RANBP2: variants seen among roughly 807,000 people sequenced by gnomAD.
RANBP2 encodes the protein E3 SUMO-protein ligase RanBP2.
Under a neutral mutation model 303.6 loss-of-function variants are expected in RANBP2, and 57 were observed. The observed-to-expected ratio is 0.19, with a 90% CI of 0.15 to 0.23. The LOEUF (loss-of-function observed/expected upper bound fraction) is 0.23, where lower values mean the gene tolerates loss of function less well. Ranked by LOEUF, RANBP2 falls within the 10% of genes least tolerant of loss-of-function variation. The pLI is 1.00. For synonymous variants in RANBP2, 1,167 were observed against 1,301.5 expected (o/e 0.90, Z 2.23); for missense variants, 3,138 against 3,780.8 (o/e 0.83, Z 4.46).
chr2:109,627,448 T>C, the RANBP2 span, among the ~76,000 whole-genome samples: 1 of 152,200 alleles, frequency 6.6e-6, no homozygotes, highest in African/African-American at 2.4e-5. Context: ...CCACTCACCT[T>C]GGCCTCCCAA....
chr2:109,488,332 T>G, the RANBP2 span, among the ~76,000 whole-genome samples: 1 of 152,180 alleles, frequency 6.6e-6, no homozygotes, highest in African/African-American at 2.4e-5. Flanking sequence ...CCCAGATGTC[T>G]TCAGACATTG....
At chr2:109,586,069 T>C in the RANBP2 span, among the ~76,000 whole-genome samples, 2 of 152,198 alleles carry the variant, frequency 1.3e-5, no homozygotes, top group African/African-American at 4.8e-5. Context: ...TCTAGCACTA[T>C]GTATAACATT....
chr2:109,424,113 G>A, the RANBP2 span, among the ~76,000 whole-genome samples: 1 of 152,224 alleles, frequency 6.6e-6, no homozygotes, highest in African/African-American at 2.4e-5. Flanking sequence ...GGCAGGCCCT[G>A]AGATGGGGAG....
At chr2:109,249,231 C>T in the RANBP2 span, among the ~76,000 whole-genome samples, 1 of 152,226 alleles carries the variant, frequency 6.6e-6, no homozygotes, top group African/African-American at 2.4e-5. Flanking sequence ...CCGACTCCTA[C>T]CCTGTTCTTT....
the RANBP2 span, among the ~76,000 whole-genome samples, chr2:109,247,406 C>T: frequency 6.6e-6 from 1 of 152,236 alleles, no homozygotes; most frequent in Non-Finnish European, 1.5e-5. Flanking sequence ...GTAAGACCAG[C>T]TGAGCTTCCC....
At chr2:109,454,533 T>C in the RANBP2 span, among the ~76,000 whole-genome samples, 1 of 152,188 alleles carries the variant, frequency 6.6e-6, no homozygotes, top group Non-Finnish European at 1.5e-5. Flanking sequence ...TCCCGCCGGC[T>C]GCCTGACTTC....
chr2:109,171,160 T>C, the RANBP2 span, among the ~76,000 whole-genome samples: 1 of 152,228 alleles, frequency 6.6e-6, no homozygotes, highest in African/African-American at 2.4e-5. Flanking sequence ...TTTTGTTTTA[T>C]ATATATGTAC....
chr2:109,741,035 C>T, the RANBP2 span, among the ~76,000 whole-genome samples: 1 of 79,782 alleles, frequency 1.3e-5, no homozygotes, highest in East Asian at 3.1e-4. Context: ...AAGCAGGAAA[C>T]ACTTCCTAAC....
chr2:109,187,861 G>A, the RANBP2 span, among the ~76,000 whole-genome samples: 16 of 152,284 alleles, frequency 1.1e-4, no homozygotes, highest in Middle Eastern at 3.4e-3. Flanking sequence ...AGCACGGACT[G>A]GGTGCTCTCT....
chr2:109,252,866 G>A, the RANBP2 span, among the ~76,000 whole-genome samples: 9 of 152,170 alleles, frequency 5.9e-5, no homozygotes, highest in Non-Finnish European at 1.2e-4. Flanking sequence ...GTGAAGTACA[G>A]TTTGGGTATT....
the RANBP2 span, among the ~76,000 whole-genome samples, chr2:109,064,324 C>T: frequency 2.0e-5 from 3 of 151,834 alleles, no homozygotes; most frequent in Non-Finnish European, 4.4e-5. Context: ...GGCATGGTGT[C>T]GGGTGCCTGT....
chr2:109,495,518 GTCTCAC>G, the RANBP2 span, among the ~76,000 whole-genome samples: 3 of 62,698 alleles, frequency 4.8e-5, no homozygotes, highest in Non-Finnish European at 7.5e-5. Flanking sequence ...TTGAGACAAA[GTCTCAC>G]TCTGTCTGCT....
chr2:108,916,752 C>G, the RANBP2 span, among the ~76,000 whole-genome samples: 1 of 152,146 alleles, frequency 6.6e-6, no homozygotes, highest in Non-Finnish European at 1.5e-5. Flanking sequence ...TGACATTTCT[C>G]CAGAGCTCAG....
the RANBP2 span, among the ~76,000 whole-genome samples, chr2:108,973,713 C>G: frequency 6.6e-6 from 1 of 152,348 alleles, no homozygotes; most frequent in Middle Eastern, 3.4e-3. Flanking sequence ...GACCTCCACA[C>G]CGACTACAAA....
At chr2:108,747,729 G>T (rs1191652746) in intron 8 of RANBP2, among the ~76,000 whole-genome samples, 1 of 152,186 alleles carries the variant, frequency 6.6e-6, no homozygotes, top group Admixed American at 6.5e-5. Flanking sequence ...AGACACAACT[G>T]TGTAGTGGTA....
the RANBP2 span, among the ~76,000 whole-genome samples, chr2:108,829,875 C>G: frequency 1.3e-5 from 2 of 152,150 alleles, no homozygotes; most frequent in Non-Finnish European, 2.9e-5. Context: ...GGTGATTCTT[C>G]AAAAACTTAA....
chr2:109,364,951 TGTA>T, the RANBP2 span, among the ~76,000 whole-genome samples: 1 of 152,066 alleles, frequency 6.6e-6, no homozygotes, highest in Non-Finnish European at 1.5e-5. Context: ...ATTAACTGGG[TGTA>T]GTGGCACACG....
At chr2:108,985,330 G>A in the RANBP2 span, among the ~76,000 whole-genome samples, 2 of 152,144 alleles carry the variant, frequency 1.3e-5, no homozygotes, top group East Asian at 3.9e-4. Flanking sequence ...GATTTCGTCC[G>A]ACTCACAAGT....
chr2:109,266,539 A>G, the RANBP2 span, among the ~76,000 whole-genome samples: 1 of 152,176 alleles, frequency 6.6e-6, no homozygotes, highest in Non-Finnish European at 1.5e-5. Context: ...AATACAGTGA[A>G]GTCCTTAAAC....
Sources: gnomAD v4.1 joint callset for allele counts (sites outside exome capture counted in the v4.1 genomes callset) on GRCh38, gnomAD v4.1.1 for gene constraint, MANE v1.5 for transcripts, NCBI Gene and HGNC (gene_info 2026-07-23, HGNC 2026-07-21) for gene names.